The following CPED1 variants were observed in gnomAD, a reference collection of about 807,000 sequenced individuals.
CPED1 encodes cadherin-like and PC-esterase domain-containing protein 1.
CPED1 carries 114 observed loss-of-function variants against 128.2 expected under a neutral mutation model. The observed-to-expected ratio is 0.89, with a 90% CI of 0.76 to 1.04. CPED1 has a LOEUF of 1.04. Among genes scored for constraint, CPED1 ranks in the 50% least tolerant of loss-of-function variants. The pLI is 0.00. For missense variants in CPED1, 1,211 were observed against 1,207.1 expected, an observed-to-expected ratio of 1.00 and a Z score of -0.05; for synonymous variants, 462 against 426.7, an observed-to-expected ratio of 1.08 and a Z score of -1.02.
Position 121,039,052 on chromosome 7 carries a change from C to T in CPED1, c.434-7835C>T, listed in dbSNP as rs1227645471. On this transcript the variant is annotated intron_variant, in intron 3 of 22. Coordinates refer to ENST00000310396, the MANE Select transcript of CPED1 (RefSeq NM_024913.5). ...TATTGAACTACTTGGAAAGGTGTCA[C>T]CATGTGCCATTCACGCTAAAGTAGT... 2.6e-5 allele frequency among the ~76,000 whole-genome samples: 4 copies of T among 152,034 alleles called. No homozygotes were observed. The East Asian group carries it at 7.7e-4, about 29-fold the overall frequency.
intron 7 of CPED1, among the ~76,000 whole-genome samples, chr7:121,109,625 A>G (rs147840164): frequency 4.7e-4 from 72 of 152,320 alleles, no homozygotes; most frequent in African/African-American, 1.6e-3. Context: ...TTTAAAAAAC[A>G]TACTGTTCCA....
At chr7:121,112,230 C>T (rs1795129401) in intron 7 of CPED1, among the ~76,000 whole-genome samples, 1 of 152,120 alleles carries the variant, frequency 6.6e-6, no homozygotes, top group South Asian at 2.1e-4. Context: ...ATATCCTTAC[C>T]TCCAGAACCA....
chr7:121,087,481 G>T (rs73215361), intron 5 of CPED1, among the ~76,000 whole-genome samples: 10,331 of 152,092 alleles, frequency 0.068, 483 homozygotes, highest in Non-Finnish European at 0.1. Flanking sequence ...AGGAAGAGGG[G>T]TATCTGTATT....
At chr7:121,173,118 T>C (rs1008973850) in intron 16 of CPED1, among the ~76,000 whole-genome samples, 4 of 152,198 alleles carry the variant, frequency 2.6e-5, no homozygotes, top group Admixed American at 2.0e-4. Context: ...AGTTCTTCAG[T>C]AGTTCTTGTA....
chr7:121,157,655 A>G (rs1026209955), intron 16 of CPED1, among the ~76,000 whole-genome samples: 19 of 152,150 alleles, frequency 1.2e-4, no homozygotes, highest in Admixed American at 3.3e-4. Context: ...ATAATTGACC[A>G]AAGTTCATTG....
At chr7:121,027,945 G>A (rs370774250) in intron 3 of CPED1, among the ~76,000 whole-genome samples, 74 of 152,114 alleles carry the variant, frequency 4.9e-4, no homozygotes, top group African/African-American at 1.8e-3. Context: ...TAAGGGATGA[G>A]GAGAGCAGAG....
intron 2 of CPED1, among the ~76,000 whole-genome samples, chr7:121,011,878 C>T (rs1230421222): frequency 1.3e-5 from 2 of 151,934 alleles, no homozygotes; most frequent in Admixed American, 6.6e-5. Context: ...TATGGAATTT[C>T]GAATATAAAG....
At chr7:121,003,989 T>G (rs915277485) in intron 2 of CPED1, among the ~76,000 whole-genome samples, 9 of 152,226 alleles carry the variant, frequency 5.9e-5, no homozygotes, top group African/African-American at 2.2e-4. Flanking sequence ...CCCCACATTC[T>G]TCTTAATACC....
intron 16 of CPED1, among the ~76,000 whole-genome samples, chr7:121,227,373 G>A (rs753297019): frequency 6.6e-6 from 1 of 152,034 alleles, no homozygotes; most frequent in African/African-American, 2.4e-5. Context: ...CAGAAAGATT[G>A]TAACACAATT....
At chr7:121,195,426 C>G (rs747295885) in intron 16 of CPED1, among the ~76,000 whole-genome samples, 60 of 152,222 alleles carry the variant, frequency 3.9e-4, no homozygotes, top group Non-Finnish European at 7.1e-4. Flanking sequence ...AGATACATCA[C>G]ATAATGTTGA....
rs778370730 is a variant in CPED1 at position 121,098,741 on chromosome 7, TATAAAAATATATAAAA to T, written c.749+914_749+929del. 1.6e-3 allele frequency among the ~76,000 whole-genome samples: 27 copies of T among 16,544 alleles called. 1 individual carries two copies. The highest frequency in any genetic ancestry group is 4.8e-3 in the African/African-American group (26 of 5,442). 10.9% of individuals were successfully genotyped at this position (16,544 alleles called of 152,430 possible). A position where few individuals can be genotyped will look rare whatever the true frequency, so the allele number is the denominator to read the frequency against. On this transcript the variant is annotated intron_variant, in intron 6 of 22. Transcript: ENST00000310396. ...CAAGACCTTGTCTCAAATATATATATATAAAAATATATAAAAATATATATAAATATATATATATAAA... is the reference window on the plus strand; with the variant it reads ...CAAGACCTTGTCTCAAATATATATATATATATATAAATATATATATATAAA...
chr7:121,249,368 T>C (rs563048796), intron 18 of CPED1, among the ~76,000 whole-genome samples: 1 of 152,096 alleles, frequency 6.6e-6, no homozygotes, highest in African/African-American at 2.4e-5. Context: ...CCAAAGAACA[T>C]ACTCATCAGA....
At chr7:121,197,927 G>C (rs2116552038) in intron 16 of CPED1, among the ~76,000 whole-genome samples, 1 of 152,230 alleles carries the variant, frequency 6.6e-6, no homozygotes, top group Non-Finnish European at 1.5e-5. Flanking sequence ...GTAAACCGAA[G>C]AATCAGACTA....
intron 3 of CPED1, among the ~76,000 whole-genome samples, chr7:121,038,057 T>C (rs1255413854): frequency 6.6e-6 from 1 of 152,170 alleles, no homozygotes; most frequent in Non-Finnish European, 1.5e-5. Context: ...TAGGGTTTTC[T>C]AGGTATACAA....
Position 121,097,765 on chromosome 7 carries a change from C to G in CPED1, c.683C>G (p.Ser228Trp). The change falls in exon 6 of 23, where the codon TCG becomes TGG. Residue 228 changes from serine (S) to tryptophan (W), a missense_variant. Physicochemically the swap from Ser to Trp is radical, Grantham distance 177. Transcript: ENST00000310396. The part of the protein sequence containing the change: ...DQGMQLKPST[S>W]SHLLKTVKPR... ...GGAATGCAATTAAAGCCGAGTACTT[C>G]GAGTCACCTTTTAAAAACAGTGAAG... 1 of 1,613,780 alleles carries G rather than the reference C, an allele frequency of 6.2e-7. No homozygotes were observed. Among genetic ancestry groups the G allele is most frequent in the Non-Finnish European group, 8.5e-7 (1 of 1,179,774 alleles).
intron 16 of CPED1, among the ~76,000 whole-genome samples, chr7:121,235,754 C>A (rs1027991259): frequency 7.9e-5 from 12 of 152,010 alleles, no homozygotes; most frequent in African/African-American, 2.9e-4. Flanking sequence ...AACAAACTAA[C>A]AAACAGTTAT....
chr7:121,201,065 G>A (rs556206272), intron 16 of CPED1, among the ~76,000 whole-genome samples: 11 of 152,186 alleles, frequency 7.2e-5, no homozygotes, highest in African/African-American at 2.4e-4. Context: ...CTTTAATAGA[G>A]CAATCTCTAG....
intron 22 of CPED1, among the ~76,000 whole-genome samples, chr7:121,278,614 T>C (rs962692023): frequency 2.0e-5 from 3 of 152,144 alleles, no homozygotes; most frequent in African/African-American, 7.2e-5. Flanking sequence ...CATTCAATCA[T>C]CTGTAAGTGA....
At chr7:121,126,987 T>A (rs1795519265) in intron 9 of CPED1, 103 bp from the exon 10 acceptor site, 1 of 866,624 alleles carries the variant, frequency 1.2e-6, no homozygotes, top group African/African-American at 1.7e-5. Flanking sequence ...ATGTCAGTTC[T>A]GATCTATAAT....
Sources: gnomAD v4.1 joint callset for allele counts (sites outside exome capture counted in the v4.1 genomes callset) on GRCh38, gnomAD v4.1.1 for gene constraint, MANE v1.5 for transcripts, NCBI Gene and HGNC (gene_info 2026-07-23, HGNC 2026-07-21) for gene names.